Variants in GARRE1 observed in about 807,000 individuals in gnomAD.
GARRE1 encodes the protein granule associated Rac and RHOG effector protein 1.
GARRE1 carries 49 observed loss-of-function variants against 103.2 expected under a neutral mutation model. The ratio of observed to expected loss-of-function variants is 0.47; its 90% CI spans 0.38 to 0.60. The LOEUF (loss-of-function observed/expected upper bound fraction) is 0.60. Among genes scored for constraint, GARRE1 ranks in the 20% least tolerant of loss-of-function variants. The probability of loss-of-function intolerance (pLI) is 0.00; values close to 1 mark genes in which losing one functional copy is unlikely to be tolerated. For synonymous variants in GARRE1, 505 were observed against 532.8 expected, an observed-to-expected ratio of 0.95 and a Z score of 0.72; for missense variants, 1,199 against 1,370.5, an observed-to-expected ratio of 0.87 and a Z score of 1.98.
intron 1 of GARRE1, among the ~76,000 whole-genome samples, chr19:34,272,597 AG>A (rs1158589646): frequency 3.3e-5 from 5 of 152,216 alleles, no homozygotes; most frequent in African/African-American, 1.2e-4. Flanking sequence ...GGGAATCATC[AG>A]CAGTGATACG....
chr19:34,286,484 G>A (rs2073887317), intron 1 of GARRE1, among the ~76,000 whole-genome samples: 1 of 149,712 alleles, frequency 6.7e-6, no homozygotes, highest in African/African-American at 2.5e-5. Context: ...CTCCCAAAGT[G>A]CTGGGATTAC....
At position 34,347,900 on chromosome 19, in the gene GARRE1, C is replaced by G; in HGVS notation, c.2545C>G (p.Arg849Gly). The change falls in exon 11 of 14, where the codon CGC becomes GGC. Residue 849 changes from arginine (R) to glycine (G), a missense_variant. Arg to Gly is a moderately radical substitution (Grantham distance 125). Transcript: ENST00000299505. ...AGTGGGCTCAGACCCAGAGTTTGCA[C>G]GCTATGTGGCAGGAGTGAGCCAGGC... is the stretch of plus-strand genomic sequence containing the variant. Reference protein sequence around the residue: ...PAVGSDPEFARYVAGVSQAMQ... With the variant: ...PAVGSDPEFAGYVAGVSQAMQ... 1.3e-6 allele frequency: 2 copies of G among 1,572,434 alleles called. No homozygotes were observed. The highest frequency in any genetic ancestry group is 1.2e-5 in the South Asian group (1 of 86,300).
chr19:34,343,401 C>T (rs2074196169), intron 10 of GARRE1, among the ~76,000 whole-genome samples: 1 of 152,074 alleles, frequency 6.6e-6, no homozygotes, highest in African/African-American at 2.4e-5. Context: ...CATGCCACTA[C>T]ACCCCAGCCT....
At chr19:34,346,194 A>G (rs2074210155) in intron 10 of GARRE1, among the ~76,000 whole-genome samples, 1 of 152,190 alleles carries the variant, frequency 6.6e-6, no homozygotes, top group African/African-American at 2.4e-5. Flanking sequence ...TATCTTCCCT[A>G]ATTTTAAGCT....
At chr19:34,279,899 G>T (rs2073840804) in intron 1 of GARRE1, among the ~76,000 whole-genome samples, 1 of 149,754 alleles carries the variant, frequency 6.7e-6, no homozygotes, top group Admixed American at 6.7e-5. Context: ...GCAGGAGAAT[G>T]GCGTGAACCC....
chr19:34,352,150 A>T (rs1055213591), intron 13 of GARRE1, among the ~76,000 whole-genome samples: 1 of 152,148 alleles, frequency 6.6e-6, no homozygotes, highest in Non-Finnish European at 1.5e-5. Context: ...CTGTAATCCC[A>T]GCACTTTGGG....
At chr19:34,279,217 G>A (rs191167971) in intron 1 of GARRE1, among the ~76,000 whole-genome samples, 2 of 152,294 alleles carry the variant, frequency 1.3e-5, no homozygotes, top group East Asian at 1.9e-4. Context: ...GCACCATACT[G>A]TTTTCCACAG....
chr19:34,291,989 G>C (rs892587496), intron 1 of GARRE1, among the ~76,000 whole-genome samples: 6 of 151,758 alleles, frequency 4.0e-5, no homozygotes. Flanking sequence ...CTCCTAAATA[G>C]CTGGGATTAC....
chr19:34,277,435 G>A (rs1286624510), intron 1 of GARRE1, among the ~76,000 whole-genome samples: 10 of 152,092 alleles, frequency 6.6e-5, no homozygotes, highest in East Asian at 1.9e-4. Context: ...TGAACAATAC[G>A]TTTGAAAAGA....
intron 1 of GARRE1, among the ~76,000 whole-genome samples, chr19:34,278,169 C>A (rs2073828879): frequency 1.3e-5 from 2 of 151,942 alleles, no homozygotes; most frequent in African/African-American, 4.8e-5. Flanking sequence ...CTTGGCCAGG[C>A]ATGGTGGCTC....
At chr19:34,262,668 T>C (rs899602171) in intron 1 of GARRE1, among the ~76,000 whole-genome samples, 2 of 152,116 alleles carry the variant, frequency 1.3e-5, no homozygotes, top group Admixed American at 6.6e-5. Context: ...TAAAAGCTTT[T>C]TGTGATCCTG....
chr19:34,283,595 C>CAG (rs1430851540), intron 1 of GARRE1, among the ~76,000 whole-genome samples: 3 of 152,106 alleles, frequency 2.0e-5, no homozygotes, highest in Non-Finnish European at 4.4e-5. Flanking sequence ...ATGAGACAGG[C>CAG]AGAGAGAGGT....
chr19:34,340,695 G>T (rs1269455172), intron 9 of GARRE1, among the ~76,000 whole-genome samples: 1 of 152,040 alleles, frequency 6.6e-6, no homozygotes, highest in East Asian at 1.9e-4. Flanking sequence ...GCTAATTTTT[G>T]TATTTTTCAT....
At chr19:34,297,297 A>T (rs755819826) in intron 1 of GARRE1, among the ~76,000 whole-genome samples, 6 of 152,188 alleles carry the variant, frequency 3.9e-5, no homozygotes, top group Non-Finnish European at 8.8e-5. Context: ...CAAAAAAAAA[A>T]ATATTTTGAT....
chr19:34,272,139 G>A (rs2073791898), intron 1 of GARRE1, among the ~76,000 whole-genome samples: 2 of 152,216 alleles, frequency 1.3e-5, no homozygotes, highest in Admixed American at 1.3e-4. Flanking sequence ...CCTTAAGTTT[G>A]GGTTAAAAGT....
At chr19:34,320,905 CTTTTTTT>C (rs35585974) in intron 3 of GARRE1, among the ~76,000 whole-genome samples, 1,462 of 125,074 alleles carry the variant, frequency 0.012, 30 homozygotes, top group African/African-American at 0.041. Context: ...ATTATTATTA[CTTTTTTT>C]TTTTTTTTTT....
Position 34,284,186 on chromosome 19 carries a change from G to GGT in GARRE1, c.-795-15491_-795-15490dup, listed in dbSNP as rs2073873039. 4.2e-5 allele frequency among the ~76,000 whole-genome samples: 6 copies of GGT among 143,308 alleles called. No individual in the cohort carries two copies. The Admixed American group carries it at 4.3e-4, about 10-fold the overall frequency. 94.0% of individuals were successfully genotyped at this position (143,308 alleles called of 152,430 possible). ...CACTCAGTCACCCAGGCTAGAGTGC[G>GGT]GTGGTGCAATCTCGGCTTACTGCAA... On this transcript the variant is annotated intron_variant, in intron 1 of 13. Transcript: ENST00000299505.
chr19:34,321,514 G>T lies in GARRE1; in HGVS notation c.705+1398G>T, dbSNP rs979289453. On this transcript the variant is annotated intron_variant, in intron 3 of 13. Transcript: ENST00000299505. Reference sequence around the variant, plus strand: ...CTGTCGCCCAGGCTGGAGTGCAGTGGCACGATCTTGGCTCACTGCAACCTC... The same window carrying T: ...CTGTCGCCCAGGCTGGAGTGCAGTGTCACGATCTTGGCTCACTGCAACCTC... Among the ~76,000 whole-genome samples, 40 of 151,546 alleles carry T rather than the reference G, an allele frequency of 2.6e-4. 1 individual carries two copies. The highest frequency in any genetic ancestry group is 9.7e-4 in the African/African-American group (40 of 41,236).
At position 34,345,952 on chromosome 19, in the gene GARRE1, G is replaced by T. The variant is rs962195055; in HGVS notation, c.2522-1925G>T. Among the ~76,000 whole-genome samples, 6 of 152,320 alleles carry T rather than the reference G, an allele frequency of 3.9e-5. No homozygotes were observed. In the South Asian group the frequency reaches 1.2e-3, roughly 32 times the overall value. ...CTGGGTGTTCCTTTCTGCACCTGAAGTCCATGGTGTAGTTTTCTACAGACC... is the reference window on the plus strand; with the variant it reads ...CTGGGTGTTCCTTTCTGCACCTGAATTCCATGGTGTAGTTTTCTACAGACC... On this transcript the variant is annotated intron_variant, in intron 10 of 13. Coordinates refer to ENST00000299505, the MANE Select transcript of GARRE1 (RefSeq NM_014686.5).
Sources: gnomAD v4.1 joint callset for allele counts (sites outside exome capture counted in the v4.1 genomes callset) on GRCh38, gnomAD v4.1.1 for gene constraint, MANE v1.5 for transcripts, NCBI Gene and HGNC (gene_info 2026-07-23, HGNC 2026-07-21) for gene names.